The following ANK3 variants were observed in gnomAD, a reference collection of about 807,000 sequenced individuals.
ANK3 encodes ankyrin-3.
Under a neutral mutation model 370.9 loss-of-function variants are expected in ANK3, and 57 were observed. The observed-to-expected ratio is 0.15, with a 90% CI of 0.12 to 0.19. ANK3 has a LOEUF of 0.19. Among genes scored for constraint, ANK3 ranks in the 10% least tolerant of loss-of-function variants. The pLI is 1.00. For missense variants in ANK3, 4,439 were observed against 5,302.1 expected, an observed-to-expected ratio of 0.84 and a Z score of 5.06; for synonymous variants, 1,929 against 1,946.3, an observed-to-expected ratio of 0.99 and a Z score of 0.23.
chr10:60,654,730 A>T (rs1383891734), intron 1 of ANK3, among the ~76,000 whole-genome samples: 1 of 149,210 alleles, frequency 6.7e-6, no homozygotes, highest in Non-Finnish European at 1.5e-5. Flanking sequence ...TTCATACAAG[A>T]TATTGATTTA....
chr10:60,413,732 T>C (rs2063605505), intron 2 of ANK3, among the ~76,000 whole-genome samples: 1 of 152,174 alleles, frequency 6.6e-6, no homozygotes, highest in African/African-American at 2.4e-5. Flanking sequence ...TAGTGACTCA[T>C]GCCTGTAATC....
chr10:60,245,102 G>A (rs10994274), intron 7 of ANK3, among the ~76,000 whole-genome samples: 4 of 152,080 alleles, frequency 2.6e-5, no homozygotes, highest in Admixed American at 6.5e-5. Context: ...CCGGGAGGCC[G>A]AGCTTGCAGT....
At chr10:60,427,942 G>A (rs780353676) in intron 2 of ANK3, among the ~76,000 whole-genome samples, 1 of 152,058 alleles carries the variant, frequency 6.6e-6, no homozygotes, top group Admixed American at 6.6e-5. Flanking sequence ...CAGTTACTAG[G>A]GAGCATCTTA....
chr10:60,636,428 G>A (rs1220218394), intron 1 of ANK3, among the ~76,000 whole-genome samples: 1 of 152,172 alleles, frequency 6.6e-6, no homozygotes, highest in African/African-American at 2.4e-5. Flanking sequence ...TCTTAACGTT[G>A]TCCAACTTTC....
chr10:60,566,034 C>A (rs910842182), intron 2 of ANK3, among the ~76,000 whole-genome samples: 1 of 152,208 alleles, frequency 6.6e-6, no homozygotes, highest in Non-Finnish European at 1.5e-5. Context: ...GTCTCTGGGT[C>A]ACATTTTGGT....
At chr10:60,500,571 A>C (rs972711332) in intron 2 of ANK3, among the ~76,000 whole-genome samples, 1 of 152,192 alleles carries the variant, frequency 6.6e-6, no homozygotes, top group African/African-American at 2.4e-5. Context: ...ACAGTTGAAA[A>C]TACAGTGAGG....
chr10:60,527,659 A>G (rs2076505333), intron 2 of ANK3, among the ~76,000 whole-genome samples: 3 of 152,170 alleles, frequency 2.0e-5, no homozygotes, highest in Admixed American at 1.3e-4. Context: ...AGCAGTTGCT[A>G]TGTGCTACAT....
intron 2 of ANK3, among the ~76,000 whole-genome samples, chr10:60,543,400 C>T (rs889293012): frequency 1.3e-5 from 2 of 151,904 alleles, no homozygotes; most frequent in Non-Finnish European, 2.9e-5. Context: ...GGAAGTGACC[C>T]AAATGTCTAT....
In ANK3 at chr10:60,455,950, C is replaced by A. The variant is rs1294079887; in HGVS notation, c.96+159236G>T. 2.0e-5 allele frequency among the ~76,000 whole-genome samples: 3 copies of A among 152,312 alleles called. No homozygotes were observed. The East Asian group carries it at 5.8e-4, about 29-fold the overall frequency. ...TTAAACAGTTCCCTCTTCAATCTAT[C>A]CAACCAAGTTCTGTGTGACCAAAGG... On this transcript the variant is annotated intron_variant, in intron 2 of 43. Coordinates refer to the ANK3 transcript ENST00000373827.
intron 17 of ANK3, among the ~76,000 whole-genome samples, chr10:60,181,763 G>A (rs547823443): frequency 7.2e-5 from 11 of 152,002 alleles, no homozygotes; most frequent in South Asian, 2.1e-4. Flanking sequence ...TTGAGATAGC[G>A]CCATTGCACT....
chr10:60,548,577 A>G (rs2077023504), intron 2 of ANK3, among the ~76,000 whole-genome samples: 2 of 152,052 alleles, frequency 1.3e-5, no homozygotes, highest in Non-Finnish European at 2.9e-5. Context: ...TAAGTGTGAA[A>G]GTTCAAAATA....
At chr10:60,150,226 G>A (rs370162299) in intron 23 of ANK3, among the ~76,000 whole-genome samples, 10 of 152,126 alleles carry the variant, frequency 6.6e-5, no homozygotes, top group South Asian at 2.1e-4. Context: ...GGTGCCTGGC[G>A]TCTGCACCCT....
At position 60,426,405 on chromosome 10, in the gene ANK3, T is replaced by C. The variant is rs377095847; in HGVS notation, c.97-146766A>G. 1.2e-4 allele frequency among the ~76,000 whole-genome samples: 19 copies of C among 152,256 alleles called. No homozygotes were observed. In the East Asian group the frequency reaches 2.7e-3, roughly 22 times the overall value. On this transcript the variant is annotated intron_variant, in intron 2 of 43. Coordinates refer to the ANK3 transcript ENST00000373827. The stretch of plus-strand genomic sequence containing the variant: ...ATTTAATAACCTATACAAAGCCTCC[T>C]GTGTTTCTTTCTCATCTCATAATTG...
chr10:60,138,573 T>C (rs1435258992), intron 24 of ANK3: 3 of 408,278 alleles, frequency 7.3e-6, no homozygotes, highest in African/African-American at 6.2e-5. Flanking sequence ...TAACAGAGAA[T>C]AGTGAACAAT....
At chr10:60,517,746 AAAAGAGAG>A (rs1303215337) in intron 2 of ANK3, among the ~76,000 whole-genome samples, 2 of 142,254 alleles carry the variant, frequency 1.4e-5, no homozygotes, top group African/African-American at 5.0e-5. Context: ...CTATTATTAA[AAAAGAGAG>A]AAAGAGAGAG....
chr10:60,058,278 A>G (rs546482761), intron 41 of ANK3, among the ~76,000 whole-genome samples: 1 of 152,334 alleles, frequency 6.6e-6, no homozygotes, highest in East Asian at 1.9e-4. Flanking sequence ...TGGTGGTGGG[A>G]TTTGAAACTA....
chr10:60,062,844 T>C (rs1206402510), intron 40 of ANK3: 16 of 248,872 alleles, frequency 6.4e-5, no homozygotes, highest in Non-Finnish European at 7.5e-6. Flanking sequence ...ATTTAACTTT[T>C]ATGAAATATT....
chr10:60,074,015 T>A lies in ANK3; in HGVS notation c.6866A>T (p.Glu2289Val). 1 of 1,614,124 alleles carries A rather than the reference T, an allele frequency of 6.2e-7. No homozygotes were observed. Among genetic ancestry groups the A allele is most frequent in the Non-Finnish European group, 8.5e-7 (1 of 1,180,012 alleles). Residue 2289 changes from glutamate (E) to valine (V), a missense_variant, in exon 37 of 44, where the codon GAA becomes GTA. Physicochemically the swap from Glu to Val is moderately radical, Grantham distance 121. This residue lies in a region of ANK3 where 1,601 missense variants were observed against 1,731.7 expected (regional missense o/e 0.92). Transcript: ENST00000280772. ...CTTATGTTCAAACAGACCTGCCAGT[T>A]CTTTGGAAGGATCCCGCCCGGACTG... ...AFQSGRDPSK[E>V]LAGLFEHKSA... is the part of the protein sequence containing the mutation.
chr10:60,122,485 A>G (rs1298120198), intron 25 of ANK3, among the ~76,000 whole-genome samples: 1 of 152,208 alleles, frequency 6.6e-6, no homozygotes, highest in Non-Finnish European at 1.5e-5. Context: ...TAAAGGAGAT[A>G]TTTTGTCATT....
Sources: gnomAD v4.1 joint callset for allele counts (sites outside exome capture counted in the v4.1 genomes callset) on GRCh38, gnomAD v4.1.1 for gene constraint, gnomAD v4.1.1 regional missense constraint, MANE v1.5 for transcripts, NCBI Gene and HGNC (gene_info 2026-07-23, HGNC 2026-07-21) for gene names.